The following NBAS variants were observed in gnomAD, a reference collection of about 807,000 sequenced individuals.
The protein encoded by NBAS is NBAS subunit of NRZ tethering complex, also known as NAG/BC035112 fusion.
In NBAS, 219 loss-of-function variants were observed where a neutral mutation model predicts 302.5. The ratio of observed to expected loss-of-function variants is 0.72; its 90% CI spans 0.65 to 0.81. The LOEUF is 0.81. Among genes scored for constraint, NBAS ranks in the 30% least tolerant of loss-of-function variants. NBAS has a pLI of 0.00. For missense variants in NBAS, 2,932 were observed against 2,841.6 expected (o/e 1.03, Z -0.72); for synonymous variants, 1,118 against 1,021.6 (o/e 1.09, Z -1.80).
the NBAS span, among the ~76,000 whole-genome samples, chr2:15,067,729 G>A: frequency 6.6e-6 from 1 of 152,214 alleles, no homozygotes; most frequent in East Asian, 1.9e-4. Flanking sequence ...AACCAGATGA[G>A]TAAGTTTAGA....
chr2:15,541,513 G>C (rs1194852000), intron 6 of NBAS, among the ~76,000 whole-genome samples: 7 of 152,102 alleles, frequency 4.6e-5, no homozygotes, highest in Admixed American at 4.6e-4. Context: ...TATGGGGAAA[G>C]TACACCAGGC....
the NBAS span, among the ~76,000 whole-genome samples, chr2:14,972,579 T>G: frequency 6.6e-6 from 1 of 152,198 alleles, no homozygotes; most frequent in Non-Finnish European, 1.5e-5. Context: ...TCTAAACATT[T>G]TCACATGTGG....
At chr2:15,390,935 A>G (rs1028260719) in intron 28 of NBAS, among the ~76,000 whole-genome samples, 1 of 152,030 alleles carries the variant, frequency 6.6e-6, no homozygotes, top group Non-Finnish European at 1.5e-5. Context: ...CAACATGGTG[A>G]AACCCCGTCT....
chr2:15,540,915 G>A (rs2148692116), intron 6 of NBAS, among the ~76,000 whole-genome samples: 1 of 152,000 alleles, frequency 6.6e-6, no homozygotes, highest in Non-Finnish European at 1.5e-5. Context: ...GTAGAGACGG[G>A]ATTTCACCAT....
At chr2:15,276,035 A>G (rs1219704853) in intron 43 of NBAS, among the ~76,000 whole-genome samples, 1 of 152,142 alleles carries the variant, frequency 6.6e-6, no homozygotes, top group African/African-American at 2.4e-5. Context: ...CAGATAGGCC[A>G]TTCATCTTCT....
At chr2:15,226,801 CTT>C (rs1344964072) in intron 47 of NBAS, among the ~76,000 whole-genome samples, 2 of 152,144 alleles carry the variant, frequency 1.3e-5, no homozygotes, top group Non-Finnish European at 2.9e-5. Flanking sequence ...GATTCTAACA[CTT>C]TTTTTGTGGA....
chr2:15,125,744 A>G, the NBAS span, among the ~76,000 whole-genome samples: 9 of 152,148 alleles, frequency 5.9e-5, no homozygotes, highest in African/African-American at 9.7e-5. Flanking sequence ...GGGAATGTTT[A>G]CCCAATGCCT....
the NBAS span, among the ~76,000 whole-genome samples, chr2:15,069,905 C>G: frequency 6.6e-6 from 1 of 152,162 alleles, no homozygotes; most frequent in African/African-American, 2.4e-5. Flanking sequence ...TTGGAGTTAT[C>G]TAGTTCTTGA....
downstream of NBAS, among the ~76,000 whole-genome samples, chr2:15,163,824 T>G (rs1451629588): frequency 1.4e-5 from 2 of 147,028 alleles, no homozygotes; most frequent in Admixed American, 6.9e-5. Flanking sequence ...GAGACAAGAG[T>G]CTCGCTCTGT....
chr2:14,805,656 G>C, the NBAS span, among the ~76,000 whole-genome samples: 1 of 152,192 alleles, frequency 6.6e-6, no homozygotes, highest in Non-Finnish European at 1.5e-5. Flanking sequence ...GCCTGGACAA[G>C]AGAGGGCTGC....
At chr2:14,942,429 C>T in the NBAS span, among the ~76,000 whole-genome samples, 1 of 152,200 alleles carries the variant, frequency 6.6e-6, no homozygotes, top group African/African-American at 2.4e-5. Flanking sequence ...TCACCCCTCA[C>T]TCTTTTCTTC....
chr2:15,218,900 G>C lies in NBAS; in HGVS notation c.6305C>G (p.Pro2102Arg), dbSNP rs137987698. 31 of 1,614,254 alleles carry C rather than the reference G, an allele frequency of 1.9e-5. No homozygotes were observed. In the African/African-American group the frequency reaches 3.7e-4, roughly 19 times the overall value. The change falls in exon 48 of 52, where the codon CCG becomes CGG. Residue 2102 changes from proline to arginine, a missense_variant. Physicochemically the swap from Pro to Arg is moderately radical, Grantham distance 103 (BLOSUM62 -2). Coordinates refer to ENST00000281513, the MANE Select transcript of NBAS (RefSeq NM_015909.4). ...LRPFCADDAW[P>R]VRPRIHVLQI... Reference sequence around the variant, plus strand: ...CAGCACGTGAATGCGGGGCCGCACCGGCCAGGCGTCATCAGCACAGAAAGG... The same window carrying C: ...CAGCACGTGAATGCGGGGCCGCACCCGCCAGGCGTCATCAGCACAGAAAGG...
chr2:15,546,208 T>A (rs1455627405), intron 6 of NBAS, among the ~76,000 whole-genome samples: 1 of 152,198 alleles, frequency 6.6e-6, no homozygotes, highest in Non-Finnish European at 1.5e-5. Context: ...CAGGAAAATG[T>A]CTGAAACAAT....
At chr2:15,293,168 T>A (rs867526161) in intron 40 of NBAS, among the ~76,000 whole-genome samples, 1 of 152,224 alleles carries the variant, frequency 6.6e-6, no homozygotes, top group Non-Finnish European at 1.5e-5. Flanking sequence ...TGGATAAATT[T>A]TCTGTGGACT....
intron 51 of NBAS, chr2:15,178,255 A>G: frequency 2.2e-6 from 1 of 446,532 alleles, no homozygotes; most frequent in African/African-American, 2.0e-5. Context: ...ATGTATGTGT[A>G]TGTGTATAGT....
the NBAS span, among the ~76,000 whole-genome samples, chr2:15,107,282 G>A: frequency 6.6e-6 from 1 of 152,098 alleles, no homozygotes; most frequent in African/African-American, 2.4e-5. Flanking sequence ...AGGACATAGT[G>A]AGAAAGTGGC....
chr2:15,165,662 G>A (rs140456574), downstream of NBAS, among the ~76,000 whole-genome samples: 21 of 152,012 alleles, frequency 1.4e-4, no homozygotes, highest in East Asian at 3.7e-3. Context: ...GTAGGGCACC[G>A]GTGGGAGTGG....
intron 9 of NBAS, among the ~76,000 whole-genome samples, chr2:15,522,384 A>G (rs1227097367): frequency 1.3e-5 from 2 of 152,200 alleles, no homozygotes; most frequent in African/African-American, 4.8e-5. Context: ...AATATTATAC[A>G]TCAAGATATG....
chr2:15,523,922 T>A (rs1293209400), intron 9 of NBAS, among the ~76,000 whole-genome samples: 1 of 151,940 alleles, frequency 6.6e-6, no homozygotes, highest in Non-Finnish European at 1.5e-5. Context: ...TCTAAATAAA[T>A]AAATAAATAA....
Sources: allele counts gnomAD v4.1 joint callset (sites outside exome capture counted in the v4.1 genomes callset), GRCh38; gene constraint gnomAD v4.1.1; transcripts MANE v1.5; gene names NCBI Gene and HGNC (gene_info 2026-07-23, HGNC 2026-07-21).